Variants in THSD7A observed in about 807,000 individuals in gnomAD.
The protein encoded by THSD7A is thrombospondin type 1 domain containing 7A, also known as thrombospondin type-1 domain-containing protein 7A.
In THSD7A, 96 loss-of-function variants were observed where a neutral mutation model predicts 231.3. The ratio of observed to expected loss-of-function variants is 0.41; its 90% CI spans 0.35 to 0.49. The LOEUF is 0.49. THSD7A is among the 20% of genes least tolerant of loss of function. The probability of loss-of-function intolerance (pLI) is 0.05; values close to 1 mark genes in which losing one functional copy is unlikely to be tolerated. For missense variants in THSD7A, 2,290 were observed against 2,070.2 expected (o/e 1.11, Z -2.06); for synonymous variants, 940 against 743.3 (o/e 1.26, Z -4.30).
intron 6 of THSD7A, among the ~76,000 whole-genome samples, chr7:11,512,783 CG>C (rs1422111208): frequency 2.0e-5 from 1 of 50,362 alleles, no homozygotes; most frequent in East Asian, 5.5e-4. Context: ...TGTCATGGGG[CG>C]GGGGGAGGGG....
chr7:11,546,191 TGTGG>T (rs1341997005), intron 4 of THSD7A, among the ~76,000 whole-genome samples: 8,875 of 73,434 alleles, frequency 0.12, 967 homozygotes, highest in African/African-American at 0.37. Context: ...TTGTTGCTGG[TGTGG>T]GCGCGCGCTC....
At chr7:11,428,534 A>C (rs968604352) in intron 14 of THSD7A, among the ~76,000 whole-genome samples, 2 of 152,186 alleles carry the variant, frequency 1.3e-5, no homozygotes, top group African/African-American at 4.8e-5. Context: ...TCCTAATTTT[A>C]GACCAAAACC....
intron 1 of THSD7A, among the ~76,000 whole-genome samples, chr7:11,717,141 G>A (rs1256925199): frequency 2.0e-5 from 3 of 149,058 alleles, no homozygotes; most frequent in East Asian, 2.0e-4. Flanking sequence ...TTGACTTTAT[G>A]TACTGAGATC....
chr7:11,442,404 C>A (rs1784834188), intron 13 of THSD7A, among the ~76,000 whole-genome samples: 1 of 151,628 alleles, frequency 6.6e-6, no homozygotes, highest in Non-Finnish European at 1.5e-5. Context: ...AGATAGACAA[C>A]AATGATTAAA....
intron 1 of THSD7A, among the ~76,000 whole-genome samples, chr7:11,706,107 C>T (rs1474503202): frequency 6.6e-6 from 1 of 150,822 alleles, no homozygotes; most frequent in Non-Finnish European, 1.5e-5. Flanking sequence ...AAAATTTATT[C>T]CAGAAAGTTT....
At chr7:11,820,313 G>C (rs749427042) in intron 1 of THSD7A, 4 of 674,072 alleles carry the variant, frequency 5.9e-6, no homozygotes, top group Non-Finnish European at 6.7e-6. Flanking sequence ...GTAAAGAGTG[G>C]ACCCTACTCG....
chr7:11,510,668 A>G (rs1179891157), intron 6 of THSD7A, among the ~76,000 whole-genome samples: 1 of 152,200 alleles, frequency 6.6e-6, no homozygotes, highest in Non-Finnish European at 1.5e-5. Flanking sequence ...AACTAAAGAC[A>G]AAAACCACAT....
At chr7:11,466,657 G>C (rs968643362) in intron 9 of THSD7A, among the ~76,000 whole-genome samples, 2 of 152,076 alleles carry the variant, frequency 1.3e-5, no homozygotes, top group African/African-American at 4.8e-5. Context: ...AACATGAGCT[G>C]CCAAATAAAA....
intron 2 of THSD7A, among the ~76,000 whole-genome samples, chr7:11,610,105 A>G (rs574138717): frequency 6.6e-6 from 1 of 152,292 alleles, no homozygotes; most frequent in Non-Finnish European, 1.5e-5. Context: ...GAAAATATAA[A>G]TATTTTAAGA....
rs1345147412 is a variant in THSD7A at position 11,636,705 on chromosome 7, C to T, written c.447G>A (p.Gly149=). 2.5e-6 allele frequency: 4 copies of T among 1,613,860 alleles called. No individual in the cohort carries two copies. The highest frequency in any genetic ancestry group is 2.7e-5 in the African/African-American group (2 of 74,908). Reference sequence around the variant, plus strand: ...TCTCCCTCACCTGAATACCTTCTTCCCCCTTAATGCACTCAAGAGGTTTCT... The same window carrying T: ...TCTCCCTCACCTGAATACCTTCTTCTCCCTTAATGCACTCAAGAGGTTTCT... The part of the protein sequence containing the change: ...SLEKPLECIK[G]EEGIQVREIA... Residue 149 remains glycine (G), a synonymous_variant, in exon 2 of 28, where the codon GGG becomes GGA. Transcript: ENST00000423059. The surrounding 1 kb of genome is among the most constrained non-coding windows in gnomAD (Gnocchi z 10.0).
At chr7:11,404,700 A>G (rs1276345992) in intron 22 of THSD7A, among the ~76,000 whole-genome samples, 3 of 152,196 alleles carry the variant, frequency 2.0e-5, no homozygotes, top group East Asian at 1.9e-4. Context: ...GTTGGCAGCA[A>G]CACTTTGCCT....
intron 1 of THSD7A, among the ~76,000 whole-genome samples, chr7:11,762,537 G>A (rs1331878738): frequency 6.6e-6 from 1 of 152,134 alleles, no homozygotes; most frequent in Non-Finnish European, 1.5e-5. Flanking sequence ...CTTCTTCTGA[G>A]AAATGTCTGT....
intron 23 of THSD7A, among the ~76,000 whole-genome samples, chr7:11,395,816 G>A (rs1030919126): frequency 3.3e-5 from 5 of 151,942 alleles, no homozygotes; most frequent in African/African-American, 9.7e-5. Context: ...ATGAGCCACC[G>A]TGCCCGGCCC....
chr7:11,469,466 T>C (rs1480844070), intron 9 of THSD7A, among the ~76,000 whole-genome samples: 2 of 152,148 alleles, frequency 1.3e-5, no homozygotes, highest in African/African-American at 4.8e-5. Flanking sequence ...TTCTTGGGGC[T>C]GCATAATTGA....
chr7:11,385,316 C>T (rs573060631), intron 23 of THSD7A: 1 of 152,160 alleles, frequency 6.6e-6, no homozygotes, highest in African/African-American at 2.4e-5. Context: ...ACCTCCTTCA[C>T]TAGGTTGAAA....
At position 11,619,080 on chromosome 7, in the gene THSD7A, A is replaced by T. The variant is rs567699877; in HGVS notation, c.1022+17050T>A. 4.6e-3 allele frequency among the ~76,000 whole-genome samples: 705 copies of T among 152,152 alleles called. 3 individuals carry two copies. The highest frequency in any genetic ancestry group is 5.6e-3 in the Non-Finnish European group (381 of 67,964). ...ATGTTTAAAAACTTTTTTAAACATC[A>T]TTATATTAGGCAATATTTATATCTA... On this transcript the variant is annotated intron_variant, in intron 2 of 27. Coordinates refer to ENST00000423059, the MANE Select transcript of THSD7A (RefSeq NM_015204.3).
Position 11,377,844 on chromosome 7 carries a change from A to G in THSD7A, c.4802-1187T>C, listed in dbSNP as rs1027841407. The G allele has an allele frequency of 6.6e-6, 1 of 152,140 alleles. No individual in the cohort carries two copies. Among genetic ancestry groups the G allele is most frequent in the Non-Finnish European group, 1.5e-5 (1 of 68,000 alleles). 9.4% of individuals were successfully genotyped at this position (152,140 alleles called of 1,614,324 possible). ...GGGGAAACTATATATAAAATTTAAA[A>G]TAATGACAATAATATTCTTTTTTTT... is the stretch of plus-strand genomic sequence containing the variant. On this transcript the variant is annotated intron_variant, in intron 26 of 27. Coordinates refer to ENST00000423059, the MANE Select transcript of THSD7A (RefSeq NM_015204.3). This position sits in a 1 kb window ranked among gnomAD's most constrained non-coding sequence, Gnocchi z 4.5.
chr7:11,446,137 T>A lies in THSD7A; in HGVS notation c.2988A>T (p.Gln996His), dbSNP rs770964113. The A allele has an allele frequency of 6.2e-7, 1 of 1,613,526 alleles. No individual in the cohort carries two copies. Among genetic ancestry groups the A allele is most frequent in the Admixed American group, 1.7e-5 (1 of 59,928 alleles). ...ATGCCATTGCTTGGTAACGATATCC[T>A]TGTCCGCATTCCTTGATGTCTCCTT... ...KVQGDIKECG[Q>H]GYRYQAMACY... Residue 996 changes from glutamine (Q) to histidine (H), a missense_variant, in exon 13 of 28, where the codon CAA becomes CAT. Gln to His is a conservative substitution (Grantham distance 24). Coordinates refer to ENST00000423059, the MANE Select transcript of THSD7A (RefSeq NM_015204.3). This position sits in a 1 kb window ranked among gnomAD's most constrained non-coding sequence, Gnocchi z 4.0.
chr7:11,604,053 G>A lies in THSD7A; in HGVS notation c.1023-10551C>T, dbSNP rs530029532. Reference sequence around the variant, plus strand: ...TAAAAAAAAAATGCCAAAAAAAAAAGATTCTCAAGATGATGATAACATTAG... The same window carrying A: ...TAAAAAAAAAATGCCAAAAAAAAAAAATTCTCAAGATGATGATAACATTAG... On this transcript the variant is annotated intron_variant, in intron 2 of 27. Coordinates refer to ENST00000423059, the MANE Select transcript of THSD7A (RefSeq NM_015204.3). Among the ~76,000 whole-genome samples the A allele has an allele frequency of 1.6e-3, 244 of 150,852 alleles. 1 individual carries two copies. The highest frequency in any genetic ancestry group is 5.7e-3 in the African/African-American group (234 of 41,088).
Sources: allele counts gnomAD v4.1 joint callset (sites outside exome capture counted in the v4.1 genomes callset), GRCh38; gene constraint gnomAD v4.1.1; non-coding constraint Gnocchi (gnomAD v3.1); transcripts MANE v1.5; gene names NCBI Gene and HGNC (gene_info 2026-07-23, HGNC 2026-07-21).